SOAT1: variants seen among roughly 807,000 people sequenced by gnomAD.
The protein encoded by SOAT1 is sterol O-acyltransferase 1, also known as acyl-coenzyme A:cholesterol acyltransferase 1.
Under a neutral mutation model 69.5 loss-of-function variants are expected in SOAT1, and 55 were observed. The observed-to-expected ratio is 0.79, with a 90% CI of 0.64 to 0.99. The LOEUF (loss-of-function observed/expected upper bound fraction) is 0.99, where lower values mean the gene tolerates loss of function less well. Among genes scored for constraint, SOAT1 ranks in the 50% least tolerant of loss-of-function variants. The pLI is 0.00. For synonymous variants in SOAT1, 231 were observed against 224.7 expected (o/e 1.03, Z -0.25); for missense variants, 580 against 669.3 (o/e 0.87, Z 1.47).
At chr1:179,315,196 A>G (rs1558041869) in intron 2 of SOAT1, among the ~76,000 whole-genome samples, 1 of 152,180 alleles carries the variant, frequency 6.6e-6, no homozygotes, top group Non-Finnish European at 1.5e-5. Context: ...TGTAATCCCA[A>G]CAGTTTCAGA....
intron 2 of SOAT1, among the ~76,000 whole-genome samples, chr1:179,308,637 A>T (rs1306454096): frequency 6.8e-6 from 1 of 147,248 alleles, no homozygotes; most frequent in Non-Finnish European, 1.5e-5. Flanking sequence ...GCGCCACTGC[A>T]CTCTAGCCTG....
intron 2 of SOAT1, among the ~76,000 whole-genome samples, chr1:179,320,824 C>T (rs938765916): frequency 6.6e-5 from 10 of 152,108 alleles, no homozygotes; most frequent in African/African-American, 2.4e-4. Flanking sequence ...CAGCTTCCAC[C>T]TCCCAGGTTC....
rs889006966 is a variant in SOAT1 at position 179,354,273 on chromosome 1, C to G, written c.*632C>G. The G allele has an allele frequency of 6.6e-6, 1 of 152,380 alleles. No homozygotes were observed. Among genetic ancestry groups the G allele is most frequent in the South Asian group, 2.1e-4 (1 of 4,824 alleles). 9.4% of individuals were successfully genotyped at this position (152,380 alleles called of 1,614,324 possible). ...TCTATAGGTCATGATTTCTGTGAAG[C>G]AAAAAGATGCCTTTTACCATGAATT... is the stretch of plus-strand genomic sequence containing the variant. On this transcript the variant is annotated 3_prime_UTR_variant, in exon 16 of 16. Coordinates refer to ENST00000367619, the MANE Select transcript of SOAT1 (RefSeq NM_003101.6).
intron 3 of SOAT1, among the ~76,000 whole-genome samples, chr1:179,324,072 A>T (rs1665699433): frequency 6.6e-6 from 1 of 152,210 alleles, no homozygotes; most frequent in Non-Finnish European, 1.5e-5. Flanking sequence ...CCCAAGGAGA[A>T]GATCACTTCC....
At chr1:179,348,433 C>T (rs989070505) in intron 12 of SOAT1, among the ~76,000 whole-genome samples, 3 of 152,146 alleles carry the variant, frequency 2.0e-5, no homozygotes, top group South Asian at 2.1e-4. Context: ...ATGGTAACCA[C>T]CAAACAGCTC....
Position 179,354,725 on chromosome 1 carries a change from G to A in SOAT1, c.*1084G>A, listed in dbSNP as rs938089012. The A allele has an allele frequency of 6.6e-6, 1 of 152,136 alleles. No homozygotes were observed. The highest frequency in any genetic ancestry group is 1.5e-5 in the Non-Finnish European group (1 of 68,014). 9.4% of individuals were successfully genotyped at this position (152,136 alleles called of 1,614,324 possible). On this transcript the variant is annotated 3_prime_UTR_variant, in exon 16 of 16. Transcript: ENST00000367619. ...GTTTTTAGGTGGAATAAATTAATATGTGATTGGTTTCAAGGAAATGTACTC... is the reference window on the plus strand; with the variant it reads ...GTTTTTAGGTGGAATAAATTAATATATGATTGGTTTCAAGGAAATGTACTC...
intron 1 of SOAT1, among the ~76,000 whole-genome samples, chr1:179,302,438 A>T (rs137884509): frequency 3.9e-5 from 6 of 152,108 alleles, no homozygotes; most frequent in South Asian, 4.2e-4. Context: ...GGGAGTTCTC[A>T]TGAGAGCTGA....
At chr1:179,347,210 T>G (rs112547742) in intron 11 of SOAT1, among the ~76,000 whole-genome samples, 11,486 of 151,856 alleles carry the variant, frequency 0.076, 530 homozygotes, top group African/African-American at 0.11. Flanking sequence ...TACAAAAAAT[T>G]AGCCAGATGT....
intron 15 of SOAT1, 87 bp from the exon 16 acceptor site, chr1:179,353,498 G>C: frequency 1.8e-6 from 2 of 1,130,826 alleles, no homozygotes; most frequent in Non-Finnish European, 2.7e-6. Context: ...GATGTACAAT[G>C]TATCATATTA....
At chr1:179,309,123 G>A (rs1400148205) in intron 2 of SOAT1, among the ~76,000 whole-genome samples, 1 of 152,038 alleles carries the variant, frequency 6.6e-6, no homozygotes, top group Non-Finnish European at 1.5e-5. Context: ...TCACTCTGTC[G>A]CCCAAGTTGG....
intron 2 of SOAT1, among the ~76,000 whole-genome samples, chr1:179,313,773 G>A (rs1467912571): frequency 1.3e-5 from 2 of 152,026 alleles, no homozygotes; most frequent in Admixed American, 6.6e-5. Flanking sequence ...TAGTAGAGAC[G>A]GGGTTTCCCC....
Position 179,337,798 on chromosome 1 carries a change from G to A in SOAT1, c.330-39G>A, listed in dbSNP as rs187622872. 909 of 1,420,346 alleles carry A rather than the reference G, an allele frequency of 6.4e-4. 3 individuals are homozygous for A. Among genetic ancestry groups the A allele is most frequent in the Middle Eastern group, 5.7e-4 (3 of 5,248 alleles). The allele number at this position is 1,420,346 out of a possible 1,614,324, so 88.0% of individuals were successfully genotyped here. A position where few individuals can be genotyped will look rare whatever the true frequency, so the allele number is the denominator to read the frequency against. On this transcript the variant is annotated intron_variant, in intron 4 of 15. Coordinates refer to ENST00000367619, the MANE Select transcript of SOAT1 (RefSeq NM_003101.6). The stretch of plus-strand genomic sequence containing the variant: ...TGGGATTAGATTTCTTATAATACTT[G>A]AAGTACTTATATCTTGTTTTAATTT...
At chr1:179,351,720 A>ATTTTTTTTTTTTTTTT (rs1558061106) in intron 15 of SOAT1, among the ~76,000 whole-genome samples, 1 of 43,486 alleles carries the variant, frequency 2.3e-5, no homozygotes, top group African/African-American at 9.5e-5. Context: ...AGCCCCTTCT[A>ATTTTTTTTTTTTTTTT]ATTTTTTTTT....
rs549698260 is a variant in SOAT1 at position 179,329,326 on chromosome 1, T to G, written c.177+5831T>G. 4.8e-4 allele frequency among the ~76,000 whole-genome samples: 71 copies of G among 148,784 alleles called. 1 individual carries two copies. In the South Asian group the frequency reaches 0.015, roughly 32 times the overall value. On this transcript the variant is annotated intron_variant, in intron 3 of 15. Coordinates refer to ENST00000367619, the MANE Select transcript of SOAT1 (RefSeq NM_003101.6). ...TGCGCTCCAGCCTGGGAGACAAGAGTGAAACTCTGTCTCAAAAAAATAAAT... is the reference window on the plus strand; with the variant it reads ...TGCGCTCCAGCCTGGGAGACAAGAGGGAAACTCTGTCTCAAAAAAATAAAT...
intron 2 of SOAT1, among the ~76,000 whole-genome samples, chr1:179,318,753 A>G (rs1337259673): frequency 6.6e-6 from 1 of 152,210 alleles, no homozygotes; most frequent in Non-Finnish European, 1.5e-5. Flanking sequence ...TCACTTGGCA[A>G]AATGTTTACG....
chr1:179,325,886 T>C (rs1665771544), intron 3 of SOAT1, among the ~76,000 whole-genome samples: 1 of 152,200 alleles, frequency 6.6e-6, no homozygotes, highest in South Asian at 2.1e-4. Flanking sequence ...TTATGAAATC[T>C]TTTAGCTTGG....
intron 2 of SOAT1, among the ~76,000 whole-genome samples, chr1:179,316,140 G>A (rs1294962986): frequency 3.3e-5 from 5 of 151,964 alleles, no homozygotes; most frequent in Admixed American, 3.3e-4. Context: ...TATCAGCTCA[G>A]TATTTTCCTG....
At chr1:179,320,189 CT>C (rs1380693896) in intron 2 of SOAT1, among the ~76,000 whole-genome samples, 1 of 151,992 alleles carries the variant, frequency 6.6e-6, no homozygotes, top group African/African-American at 2.4e-5. Context: ...GTATTTGATC[CT>C]TTTTGAGTTA....
chr1:179,294,912 T>A (rs928584174), intron 1 of SOAT1, among the ~76,000 whole-genome samples: 12 of 152,028 alleles, frequency 7.9e-5, no homozygotes, highest in Non-Finnish European at 1.2e-4. Flanking sequence ...CTTGATTTCC[T>A]CTTCCTTGAA....
Sources: allele counts gnomAD v4.1 joint callset (sites outside exome capture counted in the v4.1 genomes callset), GRCh38; gene constraint gnomAD v4.1.1; transcripts MANE v1.5; gene names NCBI Gene and HGNC (gene_info 2026-07-23, HGNC 2026-07-21).